HIBCH: variants seen among roughly 807,000 people sequenced by gnomAD.
HIBCH encodes the protein 3-hydroxyisobutyryl-CoA hydrolase.
In HIBCH, 50 loss-of-function variants were observed where a neutral mutation model predicts 58.2. The ratio of observed to expected loss-of-function variants is 0.86; its 90% confidence interval spans 0.68 to 1.09. The LOEUF (loss-of-function observed/expected upper bound fraction) is 1.09. HIBCH is among the 50% of genes least tolerant of loss of function. HIBCH has a pLI of 0.00. For synonymous variants in HIBCH, 151 were observed against 146.9 expected, an observed-to-expected ratio of 1.03 and a Z score of -0.20; for missense variants, 450 against 449.7, an observed-to-expected ratio of 1.00 and a Z score of -0.01.
intron 1 of HIBCH, among the ~76,000 whole-genome samples, chr2:190,313,249 T>A (rs1349930439): frequency 1.3e-5 from 2 of 151,844 alleles, no homozygotes; most frequent in African/African-American, 4.8e-5. Context: ...TTAAAAATGT[T>A]ATTGCTTCCT....
In HIBCH at chr2:190,294,020, G is replaced by GTATATATA. The variant is rs1413194024; in HGVS notation, c.304+525_304+526insTATATATA. ...ATATATTTTGTAATATATATTTTGTGTGTATATATATATATATATATATAT... is the reference window on the plus strand; with the variant it reads ...ATATATTTTGTAATATATATTTTGTGTATATATATGTATATATATATATATATATATAT... On this transcript the variant is annotated intron_variant, in intron 4 of 13. Coordinates refer to ENST00000359678, the MANE Select transcript of HIBCH (RefSeq NM_014362.4). 7.5e-3 allele frequency among the ~76,000 whole-genome samples: 945 copies of GTATATATA among 125,620 alleles called. 18 individuals carry two copies. The highest frequency in any genetic ancestry group is 0.038 in the Admixed American group (428 of 11,322). 82.4% of individuals were successfully genotyped at this position (125,620 alleles called of 152,430 possible).
Position 190,254,620 on chromosome 2 carries a change from T to C in HIBCH, c.518-2313A>G, listed in dbSNP as rs987389893. On this transcript the variant is annotated intron_variant, in intron 7 of 13. Transcript: ENST00000359678. The surrounding 1 kb of genome is among the most constrained non-coding windows in gnomAD (Gnocchi z 5.0). ...AACATGGCAAAAGTAGAACTACTGA[T>C]TCACAAACCTCCAACTACACTGCTC... is the stretch of plus-strand genomic sequence containing the variant. 6.6e-6 allele frequency among the ~76,000 whole-genome samples: 1 copy of C among 152,144 alleles called. No individual in the cohort carries two copies. The highest frequency in any genetic ancestry group is 1.5e-5 in the Non-Finnish European group (1 of 68,018).
intron 6 of HIBCH, among the ~76,000 whole-genome samples, chr2:190,287,046 G>GTGTGTGTC (rs1163461103): frequency 6.8e-6 from 1 of 146,112 alleles, no homozygotes; most frequent in Non-Finnish European, 1.5e-5. Context: ...GTGTGTGTGT[G>GTGTGTGTC]TGTGTGTGTG....
Position 190,319,800 on chromosome 2 carries a change from T to C in HIBCH, c.-50A>G. ...AGCAGAGCGAGAATCTCCCGGACCGTTCCAGCGCCTCGCGTGAGCCCCGCC... is the reference window on the plus strand; with the variant it reads ...AGCAGAGCGAGAATCTCCCGGACCGCTCCAGCGCCTCGCGTGAGCCCCGCC... On this transcript the variant is annotated 5_prime_UTR_variant, in exon 1 of 14. Coordinates refer to ENST00000359678, the MANE Select transcript of HIBCH (RefSeq NM_014362.4). 1.3e-6 allele frequency: 2 copies of C among 1,588,042 alleles called. No individual in the cohort carries two copies. Among genetic ancestry groups the C allele is most frequent in the South Asian group, 2.3e-5 (2 of 87,150 alleles).
chr2:190,282,006 C>G (rs1687717110), intron 6 of HIBCH, among the ~76,000 whole-genome samples: 1 of 152,188 alleles, frequency 6.6e-6, no homozygotes, highest in Non-Finnish European at 1.5e-5. Context: ...CTGCCCATGA[C>G]CACTTAAATA....
At chr2:190,199,115 T>TAACA (rs1690117700), downstream of HIBCH, among the ~76,000 whole-genome samples, 1 of 152,214 alleles carries the variant, frequency 6.6e-6, no homozygotes, top group Non-Finnish European at 1.5e-5. Flanking sequence ...AGCCAGACTC[T>TAACA]AACAGTAGTC....
At chr2:190,199,903 A>C (rs535435909), downstream of HIBCH, 5 of 1,614,044 alleles carry the variant, frequency 3.1e-6, no homozygotes, top group South Asian at 4.4e-5. Context: ...ATTTCCTACC[A>C]TATATGAAGG....
intron 5 of HIBCH, 102 bp downstream of exon 5, chr2:190,290,303 A>C: frequency 2.5e-6 from 2 of 803,444 alleles, no homozygotes; most frequent in East Asian, 2.5e-5. Context: ...TGGTATTAAA[A>C]GTTTAAGTAA....
At chr2:190,202,849 T>C (rs1252549480), downstream of HIBCH, 2 of 167,072 alleles carry the variant, frequency 1.2e-5, no homozygotes, top group Non-Finnish European at 2.9e-5. Flanking sequence ...CCCACAAACA[T>C]GTTTCACTGC....
intron 2 of HIBCH, 86 bp from the exon 3 acceptor site, chr2:190,297,039 T>A (rs1216971996): frequency 8.2e-7 from 1 of 1,225,984 alleles, no homozygotes; most frequent in Non-Finnish European, 1.2e-6. Flanking sequence ...CAAATGCAAA[T>A]CTTGCATATT....
chr2:190,294,589 C>G lies in HIBCH; in HGVS notation c.261G>C (p.Lys87Asn). The G allele has an allele frequency of 6.2e-7, 1 of 1,612,786 alleles. No homozygotes were observed. Among genetic ancestry groups the G allele is most frequent in the Non-Finnish European group, 8.5e-7 (1 of 1,179,690 alleles). The change falls in exon 4 of 14, where the codon AAG (lysine) becomes AAC (asparagine). Residue 87 changes from lysine (K) to asparagine (N), a missense_variant. Physicochemically the swap from Lys to Asn is moderately conservative, Grantham distance 94. Transcript: ENST00000359678. ...CACAGAAAGCCTTTCCTCCTGCTCC[C>G]TTTATAATGATCAGGAAAGTTTCAG... Reference protein sequence around the residue: ...QDPETFLIIIKGAGGKAFCAG... With the variant: ...QDPETFLIIINGAGGKAFCAG...
In HIBCH at chr2:190,310,784, G is replaced by A. The variant is rs1688536430; in HGVS notation, c.48C>T (p.Phe16=). ...MWRLMSRFNA[F]KRTNTILHHL... Reference sequence around the variant, plus strand: ...GGTGCAGTATGGTATTAGTCCTTTTGAATGCATTAAACCTGAAACAAATGT... The same window carrying A: ...GGTGCAGTATGGTATTAGTCCTTTTAAATGCATTAAACCTGAAACAAATGT... Residue 16 remains phenylalanine (F), a synonymous_variant, in exon 2 of 14, where the codon TTC becomes TTT. Transcript: ENST00000359678. 6.2e-7 allele frequency: 1 copy of A among 1,608,584 alleles called. No homozygotes were observed. The highest frequency in any genetic ancestry group is 1.1e-5 in the South Asian group (1 of 90,950).
chr2:190,223,494 G>A (rs988139331), intron 11 of HIBCH, among the ~76,000 whole-genome samples: 1 of 152,174 alleles, frequency 6.6e-6, no homozygotes, highest in Non-Finnish European at 1.5e-5. Flanking sequence ...GATGGTAGGC[G>A]TGAAGAAAAA....
chr2:190,294,561 C>G lies in HIBCH; in HGVS notation c.289G>C (p.Gly97Arg). 3.1e-6 allele frequency: 5 copies of G among 1,611,764 alleles called. No homozygotes were observed. Among genetic ancestry groups the G allele is most frequent in the Non-Finnish European group, 4.2e-6 (5 of 1,178,906 alleles). The part of the protein sequence containing the change: ...KGAGGKAFCA[G>R]GDIRVISEAE... ...AAGTCTTTACCTCTGATATCACCCC[C>G]GGCACAGAAAGCCTTTCCTCCTGCT... The change falls in exon 4 of 14, where the codon GGG becomes CGG. Residue 97 changes from glycine (G) to arginine (R), a missense_variant. Physicochemically the swap from Gly to Arg is moderately radical, Grantham distance 125. Transcript: ENST00000359678.
chr2:190,252,268 C>G lies in HIBCH; in HGVS notation c.557G>C (p.Arg186Pro). The change falls in exon 8 of 14, where the codon CGA becomes CCA. Residue 186 changes from arginine (R) to proline (P), a missense_variant. Coordinates refer to ENST00000359678, the MANE Select transcript of HIBCH (RefSeq NM_014362.4). ...PDVGGGYFLP[R>P]LQGKLGYFLA... ...GAAGTAACCAAGTTTTCCTTGGAGT[C>G]GTGGCAAGAAATAACCTCCACCCAC... The G allele has an allele frequency of 6.2e-7, 1 of 1,613,472 alleles. No individual in the cohort carries two copies. The highest frequency in any genetic ancestry group is 8.5e-7 in the Non-Finnish European group (1 of 1,179,532).
chr2:190,295,623 C>T lies in HIBCH; in HGVS notation c.220-993G>A, dbSNP rs555520099. 3.5e-4 allele frequency among the ~76,000 whole-genome samples: 54 copies of T among 152,296 alleles called. 1 individual carries two copies. In the South Asian group the frequency reaches 4.4e-3, roughly 12 times the overall value. On this transcript the variant is annotated intron_variant, in intron 3 of 13. Coordinates refer to ENST00000359678, the MANE Select transcript of HIBCH (RefSeq NM_014362.4). ...CACAAGGAAGATGTAGCTGGAAAGA[C>T]GTGATTGTCCAAAAGGTTCATGCAA...
chr2:190,305,819 A>T (rs1288422481), intron 2 of HIBCH, among the ~76,000 whole-genome samples: 3 of 152,218 alleles, frequency 2.0e-5, no homozygotes, highest in Non-Finnish European at 2.9e-5. Flanking sequence ...TTTCTTAATA[A>T]GCAGAATAAA....
rs1488454155 is a variant in HIBCH at position 190,215,934 on chromosome 2, T to A, written c.892-2859A>T. ...CAGACACGGGGGAGCCAGGGCACAG[T>A]TAAGGCTCAGCTCATGCCCAGAGAG... On this transcript the variant is annotated intron_variant, in intron 11 of 13. Transcript: ENST00000359678. This position sits in a 1 kb window ranked among gnomAD's most constrained non-coding sequence, Gnocchi z 4.4. The A allele has an allele frequency of 6.6e-6, 1 of 152,426 alleles. No homozygotes were observed. Among genetic ancestry groups the A allele is most frequent in the Non-Finnish European group, 1.5e-5 (1 of 68,352 alleles). 9.4% of individuals were successfully genotyped at this position (152,426 alleles called of 1,614,324 possible). A position where few individuals can be genotyped will look rare whatever the true frequency, so the allele number is the denominator to read the frequency against.
chr2:190,224,560 G>T (rs899240195), intron 11 of HIBCH, among the ~76,000 whole-genome samples: 2 of 152,028 alleles, frequency 1.3e-5, no homozygotes, highest in Non-Finnish European at 2.9e-5. Context: ...AATGGTAAAG[G>T]GATCAATTCA....
Sources: gnomAD v4.1 joint callset for allele counts (sites outside exome capture counted in the v4.1 genomes callset) on GRCh38, gnomAD v4.1.1 for gene constraint, Gnocchi (gnomAD v3.1) non-coding constraint, MANE v1.5 for transcripts, NCBI Gene and HGNC (gene_info 2026-07-23, HGNC 2026-07-21) for gene names.